FIG4: variants seen among roughly 807,000 people sequenced by gnomAD.
The protein encoded by FIG4 is FIG4 phosphoinositide 5-phosphatase.
FIG4 carries 112 observed loss-of-function variants against 118.6 expected under a neutral mutation model. That is an observed-to-expected ratio of 0.94 (90% CI 0.81 to 1.11). The LOEUF is 1.11. Among genes scored for constraint, FIG4 ranks in the 50% least tolerant of loss-of-function variants. The probability of loss-of-function intolerance (pLI) is 0.00; values close to 1 mark genes in which losing one functional copy is unlikely to be tolerated. For synonymous variants in FIG4, 369 were observed against 381.2 expected, an observed-to-expected ratio of 0.97 and a Z score of 0.37; for missense variants, 969 against 1,111.7, an observed-to-expected ratio of 0.87 and a Z score of 1.83.
chr6:109,746,409 G>A (rs539154151), intron 10 of FIG4, among the ~76,000 whole-genome samples: 3 of 152,208 alleles, frequency 2.0e-5, no homozygotes, highest in South Asian at 2.1e-4. Flanking sequence ...CCCTGAGGAC[G>A]GGATGAGTTA....
At chr6:109,798,368 T>C (rs1444700523) in intron 22 of FIG4, among the ~76,000 whole-genome samples, 1 of 152,194 alleles carries the variant, frequency 6.6e-6, no homozygotes, top group Non-Finnish European at 1.5e-5. Context: ...ATTTGCCTAC[T>C]CATTCAACAC....
chr6:109,822,781 GTGTATGTATATATATATATATATATA>G (rs1339476670), intron 22 of FIG4, among the ~76,000 whole-genome samples: 10 of 55,544 alleles, frequency 1.8e-4, no homozygotes, highest in African/African-American at 7.0e-4. Context: ...ATGTGTGTGT[GTGTATGTATATATATATATATATATA>G]TATATATATA....
chr6:109,734,397 A>G (rs1776099736), intron 5 of FIG4, among the ~76,000 whole-genome samples: 1 of 150,698 alleles, frequency 6.6e-6, no homozygotes, highest in South Asian at 2.1e-4. Flanking sequence ...GTATATATAC[A>G]CAACTATGTA....
intron 16 of FIG4, among the ~76,000 whole-genome samples, chr6:109,777,390 ATTG>A (rs1336815603): frequency 1.3e-5 from 2 of 152,260 alleles, no homozygotes; most frequent in South Asian, 4.1e-4. Context: ...GTGGCTAGCA[ATTG>A]TTGTTTTGTA....
intron 22 of FIG4, among the ~76,000 whole-genome samples, chr6:109,823,996 C>T (rs993194504): frequency 1.3e-5 from 2 of 152,114 alleles, no homozygotes; most frequent in Admixed American, 6.5e-5. Context: ...ATGCACACTC[C>T]GTACACACAC....
At chr6:109,803,319 G>A (rs1778474732) in intron 22 of FIG4, among the ~76,000 whole-genome samples, 1 of 152,148 alleles carries the variant, frequency 6.6e-6, no homozygotes, top group South Asian at 2.1e-4. Flanking sequence ...ATAGAGATGG[G>A]GTATTCTTTT....
chr6:109,750,193 T>TA (rs898322612), intron 10 of FIG4, among the ~76,000 whole-genome samples: 3 of 152,246 alleles, frequency 2.0e-5, no homozygotes, highest in African/African-American at 7.2e-5. Flanking sequence ...TTTGAGGCAC[T>TA]GGTTGAAAGA....
intron 21 of FIG4, among the ~76,000 whole-genome samples, chr6:109,795,773 T>G (rs1778269727): frequency 6.6e-6 from 1 of 152,006 alleles, no homozygotes; most frequent in Admixed American, 6.6e-5. Context: ...AGCTAATTTT[T>G]TGTGTTTTTA....
At position 109,798,816 on chromosome 6, in the gene FIG4, C is replaced by CT. The variant is rs34921960; in HGVS notation, c.2546+1975dup. On this transcript the variant is annotated intron_variant, in intron 22 of 22. Transcript: ENST00000230124. The stretch of plus-strand genomic sequence containing the variant: ...CAACACTATTTTTTCTTTTTTTCCT[C>CT]TTTTTTTTTTGTTTGGCATATAAGC... Among the ~76,000 whole-genome samples, 168 of 148,538 alleles carry CT rather than the reference C, an allele frequency of 1.1e-3. 1 individual carries two copies. The South Asian group carries it at 0.016, about 14-fold the overall frequency.
intron 12 of FIG4, among the ~76,000 whole-genome samples, chr6:109,763,138 A>T (rs550110710): frequency 6.6e-6 from 1 of 152,244 alleles, no homozygotes; most frequent in Non-Finnish European, 1.5e-5. Flanking sequence ...TCTGCCTGAC[A>T]TATACCAAAA....
intron 22 of FIG4, among the ~76,000 whole-genome samples, chr6:109,809,188 G>A (rs1219462507): frequency 6.6e-6 from 1 of 152,140 alleles, no homozygotes; most frequent in Non-Finnish European, 1.5e-5. Context: ...ACTTATCTCT[G>A]TGAGGCCATA....
At chr6:109,798,008 G>A (rs939206099) in intron 22 of FIG4, among the ~76,000 whole-genome samples, 16 of 151,172 alleles carry the variant, frequency 1.1e-4, no homozygotes, top group African/African-American at 3.4e-4. Context: ...GTTCTCTTCC[G>A]TTTTCTTAGA....
At chr6:109,775,645 G>A (rs1016063304) in intron 15 of FIG4, among the ~76,000 whole-genome samples, 6 of 152,046 alleles carry the variant, frequency 3.9e-5, no homozygotes, top group Admixed American at 2.0e-4. Flanking sequence ...TACAAATTGG[G>A]GCAGTAATGT....
intron 19 of FIG4, 71 bp from the exon 20 acceptor site, chr6:109,791,305 A>G (rs1583740790): frequency 7.6e-7 from 1 of 1,314,196 alleles, no homozygotes; most frequent in East Asian, 2.3e-5. Context: ...AGGCTTTGGG[A>G]CAGAGTGATA....
At chr6:109,775,826 G>A (rs1777601785) in intron 15 of FIG4, among the ~76,000 whole-genome samples, 1 of 152,142 alleles carries the variant, frequency 6.6e-6, no homozygotes, top group Non-Finnish European at 1.5e-5. Context: ...TTGATGTACC[G>A]TATTTCGTAT....
intron 1 of FIG4, among the ~76,000 whole-genome samples, chr6:109,699,765 A>G (rs558801708): frequency 6.6e-6 from 1 of 152,166 alleles, no homozygotes. Context: ...CGGCCTCCCA[A>G]AGTGCTGGGA....
chr6:109,696,181 C>T (rs563629098), intron 1 of FIG4, among the ~76,000 whole-genome samples: 2 of 152,188 alleles, frequency 1.3e-5, no homozygotes, highest in East Asian at 1.9e-4. Flanking sequence ...ATAGATTTGA[C>T]GTTTGTTCAT....
intron 1 of FIG4, among the ~76,000 whole-genome samples, chr6:109,699,015 T>C (rs1285122088): frequency 1.3e-5 from 2 of 152,212 alleles, no homozygotes; most frequent in Non-Finnish European, 2.9e-5. Flanking sequence ...AAAGTGTTCA[T>C]TTTCTGAAAG....
At chr6:109,763,749 A>C (rs899006977) in intron 12 of FIG4, among the ~76,000 whole-genome samples, 188 bp from the exon 13 acceptor site, 1 of 152,182 alleles carries the variant, frequency 6.6e-6, no homozygotes, top group African/African-American at 2.4e-5. Flanking sequence ...AGAGTGTGGT[A>C]AGCAGTCTGC....
Sources: gnomAD v4.1 joint callset for allele counts (sites outside exome capture counted in the v4.1 genomes callset) on GRCh38, gnomAD v4.1.1 for gene constraint, MANE v1.5 for transcripts, NCBI Gene and HGNC (gene_info 2026-07-23, HGNC 2026-07-21) for gene names.